Variants in SPATS1 observed in about 807,000 individuals in gnomAD.
SPATS1 encodes the protein spermatogenesis-associated serine-rich protein 1.
A neutral mutation model predicts 33.6 loss-of-function variants in SPATS1; 23 were observed. The observed-to-expected ratio is 0.68, with a 90% CI of 0.49 to 0.97. The LOEUF (loss-of-function observed/expected upper bound fraction) is 0.97. Among genes scored for constraint, SPATS1 ranks in the 50% least tolerant of loss-of-function variants. The pLI is 0.00. For synonymous variants in SPATS1, 131 were observed against 125.6 expected, an observed-to-expected ratio of 1.04 and a Z score of -0.29; for missense variants, 327 against 361.0, an observed-to-expected ratio of 0.91 and a Z score of 0.76.
At chr6:44,370,655 A>G (rs919899171) in intron 7 of SPATS1, among the ~76,000 whole-genome samples, 1 of 152,176 alleles carries the variant, frequency 6.6e-6, no homozygotes, top group South Asian at 2.1e-4. Flanking sequence ...TTTCTAATAC[A>G]AAACAGTCTC....
chr6:44,361,774 C>T (rs371734149), intron 4 of SPATS1, 57 bp from the exon 5 acceptor site: 2 of 1,605,772 alleles, frequency 1.2e-6, no homozygotes, highest in Non-Finnish European at 1.7e-6. Flanking sequence ...TTTTGTCATC[C>T]AGTTGCATTA....
intron 7 of SPATS1, among the ~76,000 whole-genome samples, chr6:44,371,602 A>G (rs1789616034): frequency 6.6e-6 from 1 of 152,018 alleles, no homozygotes; most frequent in Non-Finnish European, 1.5e-5. Context: ...GTTCTTTCCT[A>G]TTTTCATGTT....
In SPATS1 at chr6:44,352,824, C is replaced by T; in HGVS notation, c.238C>T (p.Pro80Ser). 1 of 1,614,104 alleles carries T rather than the reference C, an allele frequency of 6.2e-7. No homozygotes were observed. The highest frequency in any genetic ancestry group is 8.5e-7 in the Non-Finnish European group (1 of 1,179,988). The change falls in exon 3 of 9, where the codon CCA becomes TCA. Residue 80 changes from proline (P) to serine (S), a missense_variant. Physicochemically the swap from Pro to Ser is moderately conservative, Grantham distance 74. Transcript: ENST00000674044. ...TTCCTCATCTTCTGTGGAAACAGGCCCAAGTGTCAGTGAGCCTCCTGGCCT... is the reference window on the plus strand; with the variant it reads ...TTCCTCATCTTCTGTGGAAACAGGCTCAAGTGTCAGTGAGCCTCCTGGCCT... ...VSSSSSVETG[P>S]SVSEPPGLPR...
rs556731611 is a variant in SPATS1, at chr6:44,357,219, C to T, written c.288-3227C>T. ...TGTTTCTTCCTTCTATGCCTTTGCT[C>T]ACATTGCCTCCTTTGCTTGAAGTGG... On this transcript the variant is annotated intron_variant, in intron 3 of 8. Transcript: ENST00000674044. Among the ~76,000 whole-genome samples, 85 of 152,248 alleles carry T rather than the reference C, an allele frequency of 5.6e-4. 1 individual carries two copies. The highest frequency in any genetic ancestry group is 2.0e-3 in the African/African-American group (84 of 41,562).
intron 2 of SPATS1, among the ~76,000 whole-genome samples, chr6:44,346,456 G>A (rs1787890413): frequency 6.6e-6 from 1 of 152,112 alleles, no homozygotes; most frequent in Non-Finnish European, 1.5e-5. Flanking sequence ...TATGATCAGG[G>A]CTCACTGCAG....
Position 44,352,873 on chromosome 6 carries a change from A to G in SPATS1, c.287A>G (p.Asp96Gly), listed in dbSNP as rs1788324641. 3.1e-6 allele frequency: 5 copies of G among 1,613,842 alleles called. No individual in the cohort carries two copies. In the South Asian group the frequency reaches 4.4e-5, roughly 14 times the overall value. The change falls in exon 3 of 9, where the codon GAC (aspartate) becomes GGC (glycine). Residue 96 changes from aspartate (D) to glycine (G), a missense_variant and splice_region_variant. By Grantham distance (94) the Asp-to-Gly change is moderately conservative. Transcript: ENST00000674044. ...PGLPRVSAYVDTTADLDRKLS... is the reference protein window; with the variant it reads ...PGLPRVSAYVGTTADLDRKLS... ...CTCCCCAGAGTGTCTGCTTACGTAG[A>G]GTAAGTAAGGGTCTGGTGCAGAGCT...
At chr6:44,360,643 C>T in intron 4 of SPATS1, 73 bp downstream of exon 4, 1 of 1,550,028 alleles carries the variant, frequency 6.5e-7, no homozygotes, top group South Asian at 1.2e-5. Flanking sequence ...CTGTTGGCCA[C>T]CCTCATCGAA....
intron 3 of SPATS1, among the ~76,000 whole-genome samples, chr6:44,353,155 C>T (rs1253732545): frequency 6.6e-6 from 1 of 152,152 alleles, no homozygotes; most frequent in Non-Finnish European, 1.5e-5. Flanking sequence ...TAGAAGACTT[C>T]CTGGCACACA....
At chr6:44,360,382 A>G in intron 3 of SPATS1, 64 bp from the exon 4 acceptor site, 7 of 1,606,324 alleles carry the variant, frequency 4.4e-6, no homozygotes, top group South Asian at 3.3e-5. Flanking sequence ...AGGGTAAACT[A>G]TGTGAGATCA....
chr6:44,368,319 A>G, intron 5 of SPATS1, 60 bp from the exon 6 acceptor site: 3 of 1,568,064 alleles, frequency 1.9e-6, no homozygotes, highest in Non-Finnish European at 2.6e-6. Context: ...CAATACTTAC[A>G]GCAAATCTGT....
At chr6:44,362,683 T>C (rs1281570411) in intron 5 of SPATS1, among the ~76,000 whole-genome samples, 1 of 152,248 alleles carries the variant, frequency 6.6e-6, no homozygotes, top group African/African-American at 2.4e-5. Context: ...GTTCTCATTT[T>C]TGAGTTTTAA....
chr6:44,368,258 TC>T, intron 5 of SPATS1, 120 bp from the exon 6 acceptor site: 1 of 1,015,218 alleles, frequency 9.9e-7, no homozygotes, highest in Non-Finnish European at 1.4e-6. Flanking sequence ...TTGAGAAACT[TC>T]TATGTAATTT....
chr6:44,375,715 C>A (rs1188922064), intron 7 of SPATS1, among the ~76,000 whole-genome samples: 1 of 152,070 alleles, frequency 6.6e-6, no homozygotes, highest in Non-Finnish European at 1.5e-5. Context: ...GAGGCTGAAG[C>A]AGGAGAGTCA....
chr6:44,370,979 GTTT>G (rs532344535), intron 7 of SPATS1, among the ~76,000 whole-genome samples: 1 of 141,706 alleles, frequency 7.1e-6, no homozygotes, highest in Non-Finnish European at 1.5e-5. Context: ...AAAAAGAAAG[GTTT>G]TTTTTTTTTT....
intron 5 of SPATS1, among the ~76,000 whole-genome samples, chr6:44,366,066 T>C (rs1489171981): frequency 2.0e-5 from 3 of 151,890 alleles, no homozygotes; most frequent in African/African-American, 7.2e-5. Flanking sequence ...CCATTGCCTC[T>C]TTTTCTTCCT....
In SPATS1 at chr6:44,377,208, T is replaced by C. The variant is rs1790016375; in HGVS notation, c.*145T>C. The C allele has an allele frequency of 2.1e-6, 2 of 965,266 alleles. No homozygotes were observed. The highest frequency in any genetic ancestry group is 3.3e-5 in the African/African-American group (2 of 60,724). The allele number at this position is 965,266 out of a possible 1,614,324, so 59.8% of individuals were successfully genotyped here. A position where few individuals can be genotyped will look rare whatever the true frequency, so the allele number is the denominator to read the frequency against. On this transcript the variant is annotated 3_prime_UTR_variant, in exon 9 of 9. Transcript: ENST00000674044. ...CTTTGCTTTTTTAAAACTTTATATT[T>C]TGAAAACTTTCACATTTACATAAAA...
chr6:44,374,310 G>C (rs1789803436), intron 7 of SPATS1, among the ~76,000 whole-genome samples: 1 of 152,212 alleles, frequency 6.6e-6, no homozygotes, highest in African/African-American at 2.4e-5. Context: ...TGGACTGAGA[G>C]TTAGTGTGAG....
At chr6:44,374,353 AT>A (rs1325515045) in intron 7 of SPATS1, among the ~76,000 whole-genome samples, 1 of 152,084 alleles carries the variant, frequency 6.6e-6, no homozygotes, top group Non-Finnish European at 1.5e-5. Context: ...CATTTCGACT[AT>A]TTTTGTTGTT....
At position 44,361,991 on chromosome 6, in the gene SPATS1, C is replaced by T. The variant is rs776302136; in HGVS notation, c.573C>T (p.Tyr191=). ...TVDKCFGRKK[Y]DIDPRNGIPK... The stretch of plus-strand genomic sequence containing the variant: ...ACAAGTGCTTTGGGAGAAAGAAATA[C>T]GGTGATGTTTCCTTCTGGGTCTTGA... The change falls in exon 5 of 9, where the codon TAC becomes TAT. Residue 191 remains tyrosine, a splice_region_variant and synonymous_variant. Transcript: ENST00000674044. 3.1e-6 allele frequency: 5 copies of T among 1,614,036 alleles called. No homozygotes were observed. Among genetic ancestry groups the T allele is most frequent in the Admixed American group, 3.3e-5 (2 of 59,996 alleles).
Sources: gnomAD v4.1 joint callset for allele counts (sites outside exome capture counted in the v4.1 genomes callset) on GRCh38, gnomAD v4.1.1 for gene constraint, MANE v1.5 for transcripts, NCBI Gene and HGNC (gene_info 2026-07-23, HGNC 2026-07-21) for gene names.